ICE2: variants seen among roughly 807,000 people sequenced by gnomAD.
The protein encoded by ICE2 is little elongation complex subunit 2.
A neutral mutation model predicts 105.4 loss-of-function variants in ICE2; 87 were observed. That is an observed-to-expected ratio of 0.83 (90% CI 0.69 to 0.99). The LOEUF (loss-of-function observed/expected upper bound fraction) is 0.99, where lower values mean the gene tolerates loss of function less well. ICE2 is among the 50% of genes least tolerant of loss of function. The pLI, the probability that ICE2 is intolerant of heterozygous loss-of-function variation, is 0.00. For missense variants in ICE2, 1,323 were observed against 1,146.7 expected, an observed-to-expected ratio of 1.15 and a Z score of -2.22; for synonymous variants, 399 against 392.0, an observed-to-expected ratio of 1.02 and a Z score of -0.21.
At chr15:60,465,743 CTTTA>C (rs2064406330) in intron 5 of ICE2, among the ~76,000 whole-genome samples, 1 of 145,864 alleles carries the variant, frequency 6.9e-6, no homozygotes, top group Non-Finnish European at 1.5e-5. Flanking sequence ...AAGTAGTATA[CTTTA>C]TTCTTTTTTT....
intron 3 of ICE2, among the ~76,000 whole-genome samples, chr15:60,474,166 G>A (rs937644513): frequency 4.6e-5 from 7 of 151,938 alleles, no homozygotes; most frequent in African/African-American, 1.7e-4. Context: ...GCAAAATGCT[G>A]GGATTACAGG....
chr15:60,453,230 T>A (rs1595785042), intron 9 of ICE2: 1 of 1,006,372 alleles, frequency 9.9e-7, no homozygotes, highest in African/African-American at 1.7e-5. Context: ...AGGTTCCATC[T>A]CAAAAAAATA....
At chr15:60,430,180 G>A (rs1282164897) in intron 14 of ICE2, among the ~76,000 whole-genome samples, 1 of 152,152 alleles carries the variant, frequency 6.6e-6, no homozygotes, top group African/African-American at 2.4e-5. Context: ...AGAAGAAGAA[G>A]GCAGAAGAGA....
At chr15:60,476,315 A>G in intron 2 of ICE2, 148 bp from the exon 3 acceptor site, 1 of 585,370 alleles carries the variant, frequency 1.7e-6, no homozygotes, top group South Asian at 2.1e-5. Flanking sequence ...TTAATTTCAT[A>G]TACCAGATCT....
chr15:60,442,191 G>C, intron 12 of ICE2: 1 of 377,160 alleles, frequency 2.7e-6, no homozygotes, highest in Non-Finnish European at 4.7e-6. Context: ...TACTTGGAAG[G>C]CTGCAGTGGG....
At chr15:60,453,912 T>G (rs989401713) in intron 8 of ICE2, 128 bp from the exon 9 acceptor site, 29 of 710,918 alleles carry the variant, frequency 4.1e-5, no homozygotes, top group Non-Finnish European at 6.5e-5. Context: ...ATGTCCCATA[T>G]ATTTGCTACC....
At chr15:60,467,973 G>A in intron 4 of ICE2, 88 bp downstream of exon 4, 4 of 1,206,012 alleles carry the variant, frequency 3.3e-6, no homozygotes, top group Non-Finnish European at 4.5e-6. Context: ...AAAAATGACG[G>A]GACCTAAAAA....
intron 12 of ICE2, chr15:60,438,295 T>A (rs1401060373): frequency 1.3e-5 from 2 of 152,212 alleles, no homozygotes; most frequent in African/African-American, 2.4e-5. Context: ...CAAAACAAAT[T>A]ACCTGGAAAG....
chr15:60,445,228 G>A (rs2063797902), intron 11 of ICE2, among the ~76,000 whole-genome samples: 1 of 152,174 alleles, frequency 6.6e-6, no homozygotes, highest in South Asian at 2.1e-4. Flanking sequence ...TTTTTAGGTA[G>A]GAAATACTAA....
intron 2 of ICE2, among the ~76,000 whole-genome samples, chr15:60,477,341 A>T (rs1010247881): frequency 3.9e-5 from 6 of 152,244 alleles, no homozygotes; most frequent in Non-Finnish European, 8.8e-5. Context: ...CTGACTTAAT[A>T]GTCTGAGTCA....
chr15:60,457,031 G>C (rs2064145968), intron 5 of ICE2, among the ~76,000 whole-genome samples: 1 of 151,944 alleles, frequency 6.6e-6, no homozygotes, highest in African/African-American at 2.4e-5. Context: ...AATTAGAGAA[G>C]ACACATATTT....
At chr15:60,461,429 G>A (rs1292847901) in intron 5 of ICE2, among the ~76,000 whole-genome samples, 1 of 151,996 alleles carries the variant, frequency 6.6e-6, no homozygotes, top group African/African-American at 2.4e-5. Context: ...CTTAAAATGA[G>A]TAATTTTTAT....
intron 12 of ICE2, chr15:60,438,702 G>A (rs1000288579): frequency 1.3e-5 from 2 of 152,192 alleles, no homozygotes; most frequent in Non-Finnish European, 2.9e-5. Context: ...ACCATACTAA[G>A]TGCTCTGAGG....
chr15:60,461,490 A>G (rs2064275451), intron 5 of ICE2, among the ~76,000 whole-genome samples: 1 of 152,220 alleles, frequency 6.6e-6, no homozygotes, highest in African/African-American at 2.4e-5. Context: ...TGTGGATTTA[A>G]AAGGGAGGCT....
At chr15:60,469,740 C>T (rs956330566) in intron 3 of ICE2, among the ~76,000 whole-genome samples, 6 of 152,198 alleles carry the variant, frequency 3.9e-5, no homozygotes, top group African/African-American at 1.4e-4. Context: ...ACTCCCATTG[C>T]AATGCTTTAC....
In ICE2 at chr15:60,445,657, A is replaced by T. The variant is rs2063806843; in HGVS notation, c.2295+2313T>A. On this transcript the variant is annotated intron_variant, in intron 11 of 15. Coordinates refer to ENST00000261520, the MANE Select transcript of ICE2 (RefSeq NM_024611.6). Reference sequence around the variant, plus strand: ...TAAGGTTATGTCTTGAAATTTACAAATTTCACCTTAGTCAAGTGAATTACA... The same window carrying T: ...TAAGGTTATGTCTTGAAATTTACAATTTTCACCTTAGTCAAGTGAATTACA... The T allele has an allele frequency of 1.0e-5, 10 of 985,022 alleles. No homozygotes were observed. In the South Asian group the frequency reaches 3.3e-4, roughly 32 times the overall value. 61.0% of individuals were successfully genotyped at this position (985,022 alleles called of 1,614,324 possible).
chr15:60,428,017 T>C (rs1033617950), intron 15 of ICE2, among the ~76,000 whole-genome samples: 2 of 152,232 alleles, frequency 1.3e-5, no homozygotes, highest in East Asian at 3.9e-4. Flanking sequence ...TAATTAACAA[T>C]GTTTAATTAT....
rs1412667111 is a variant in ICE2, at chr15:60,449,775, C to A, written c.1192G>T (p.Asp398Tyr). 6.2e-7 allele frequency: 1 copy of A among 1,614,030 alleles called. No individual in the cohort carries two copies. The highest frequency in any genetic ancestry group is 8.5e-7 in the Non-Finnish European group (1 of 1,179,988). Residue 398 changes from aspartate to tyrosine, a missense_variant, in exon 10 of 16, where the codon GAT (aspartate) becomes TAT (tyrosine). Physicochemically the swap from Asp to Tyr is radical, Grantham distance 160. Coordinates refer to ENST00000261520, the MANE Select transcript of ICE2 (RefSeq NM_024611.6). ...SLENLYLDFD[D>Y]DVTELETFGV... ...AAAGTTTCAAGTTCTGTGACATCAT[C>A]ATCAAAATCCAAATACAAGTTTTCA...
chr15:60,469,526 T>C (rs1184557739), intron 3 of ICE2, among the ~76,000 whole-genome samples: 1 of 152,216 alleles, frequency 6.6e-6, no homozygotes, highest in Non-Finnish European at 1.5e-5. Context: ...GTTCTCATGT[T>C]TGAATTCCTC....
Sources: gnomAD v4.1 joint callset for allele counts (sites outside exome capture counted in the v4.1 genomes callset) on GRCh38, gnomAD v4.1.1 for gene constraint, MANE v1.5 for transcripts, NCBI Gene and HGNC (gene_info 2026-07-23, HGNC 2026-07-21) for gene names.